Variants in ATP7B observed in about 807,000 individuals in gnomAD.
ATP7B encodes ATPase copper transporting beta.
Under a neutral mutation model 118.9 loss-of-function variants are expected in ATP7B, and 113 were observed. That is an observed-to-expected ratio of 0.95 (90% CI 0.82 to 1.11). The LOEUF is 1.11. Ranked by LOEUF, ATP7B falls within the 50% of genes most tolerant of loss-of-function variation. ATP7B has a pLI of 0.00. For missense variants in ATP7B, 1,867 were observed against 1,871.4 expected, an observed-to-expected ratio of 1.00 and a Z score of 0.04; for synonymous variants, 777 against 727.4, an observed-to-expected ratio of 1.07 and a Z score of -1.10.
chr13:51,934,836 G>C lies in ATP7B; in HGVS notation c.4318C>G (p.Arg1440Gly). The C allele has an allele frequency of 6.2e-7, 1 of 1,614,206 alleles. No homozygotes were observed. The highest frequency in any genetic ancestry group is 1.1e-5 in the South Asian group (1 of 91,086). ...TCATCGTCTGCTGCAGCGCTGTGCC[G>C]AGATGGCTTGTCGGACGTCAGGGAG... ...LSSLTSDKPS[R>G]HSAAADDDGD... is the part of the protein sequence containing the mutation. Residue 1440 changes from arginine to glycine, a missense_variant, in exon 21 of 21, where the codon CGG becomes GGG. Coordinates refer to ENST00000242839, the MANE Select transcript of ATP7B (RefSeq NM_000053.4).
At chr13:51,996,027 G>A (rs1034433900) in intron 1 of ATP7B, among the ~76,000 whole-genome samples, 2 of 152,238 alleles carry the variant, frequency 1.3e-5, no homozygotes, top group African/African-American at 4.8e-5. Context: ...CAAACTGCTA[G>A]CACTTTCTTG....
At chr13:51,961,988 T>C in intron 5 of ATP7B, 75 bp from the exon 6 acceptor site, 2 of 1,286,314 alleles carry the variant, frequency 1.6e-6, no homozygotes, top group East Asian at 2.3e-5. Flanking sequence ...CAGAAAGCAC[T>C]TTTCAGCTTT....
In ATP7B at chr13:51,941,342, G is replaced by C. The variant is rs551539937; in HGVS notation, c.3413-118C>G. The C allele has an allele frequency of 5.6e-6, 7 of 1,252,468 alleles. No individual in the cohort carries two copies. The East Asian group carries it at 7.1e-5, about 13-fold the overall frequency. 77.6% of individuals were successfully genotyped at this position (1,252,468 alleles called of 1,614,324 possible). On this transcript the variant is annotated intron_variant, in intron 15 of 20. Transcript: ENST00000242839. Reference sequence around the variant, plus strand: ...AACCATTCTGAAAAACTGTAACCTTGTAAGCACCTCTTGTGACAGCATCCT... The same window carrying C: ...AACCATTCTGAAAAACTGTAACCTTCTAAGCACCTCTTGTGACAGCATCCT...
intron 1 of ATP7B, among the ~76,000 whole-genome samples, chr13:51,990,524 T>C (rs916892997): frequency 1.3e-5 from 2 of 152,244 alleles, no homozygotes; most frequent in African/African-American, 4.8e-5. Flanking sequence ...CAGTCCTCTT[T>C]ATCTAAGAGA....
chr13:51,965,367 G>A (rs1029500373), intron 4 of ATP7B, among the ~76,000 whole-genome samples: 50 of 152,234 alleles, frequency 3.3e-4, no homozygotes, highest in African/African-American at 1.1e-3. Context: ...TGGCAAAGCC[G>A]GGATACTAAT....
intron 1 of ATP7B, among the ~76,000 whole-genome samples, chr13:51,986,358 A>T (rs1033948433): frequency 5.9e-5 from 9 of 152,214 alleles, no homozygotes; most frequent in Admixed American, 6.5e-5. Context: ...TCCAAAGTCT[A>T]AACTAGGAAG....
intron 1 of ATP7B, among the ~76,000 whole-genome samples, chr13:51,989,501 A>C (rs1952811614): frequency 6.6e-6 from 1 of 152,188 alleles, no homozygotes; most frequent in South Asian, 2.1e-4. Context: ...CCTTACTGAG[A>C]AACAAAATGT....
chr13:51,999,942 C>G (rs1953410253), intron 1 of ATP7B, among the ~76,000 whole-genome samples: 1 of 152,126 alleles, frequency 6.6e-6, no homozygotes. Flanking sequence ...GTGACCAGTC[C>G]TTGTCTCCAA....
intron 15 of ATP7B, among the ~76,000 whole-genome samples, chr13:51,941,978 T>TG (rs1238165092): frequency 1.2e-4 from 19 of 152,242 alleles, no homozygotes; most frequent in African/African-American, 4.3e-4. Flanking sequence ...TGTCCCTTCC[T>TG]GGCTTGGGCA....
At chr13:51,977,943 G>A (rs1952209774) in intron 1 of ATP7B, among the ~76,000 whole-genome samples, 1 of 152,196 alleles carries the variant, frequency 6.6e-6, no homozygotes, top group Non-Finnish European at 1.5e-5. Flanking sequence ...CAAATGACTA[G>A]CCACCTCGGA....
chr13:51,985,777 A>G (rs1952624812), intron 1 of ATP7B, among the ~76,000 whole-genome samples: 1 of 152,180 alleles, frequency 6.6e-6, no homozygotes, highest in African/African-American at 2.4e-5. Flanking sequence ...TCAAAACTGT[A>G]AAACTACATG....
chr13:51,979,208 G>C (rs1469820418), intron 1 of ATP7B, among the ~76,000 whole-genome samples: 1 of 152,184 alleles, frequency 6.6e-6, no homozygotes, highest in East Asian at 1.9e-4. Context: ...AGTCAATATG[G>C]GCAGGAATTA....
intron 6 of ATP7B, among the ~76,000 whole-genome samples, chr13:51,961,483 C>T (rs776658714): frequency 2.0e-5 from 3 of 152,182 alleles, no homozygotes; most frequent in East Asian, 1.9e-4. Flanking sequence ...AATCTACACT[C>T]TCTCCCTCCC....
chr13:51,944,668 C>T (rs1483612408), intron 13 of ATP7B, among the ~76,000 whole-genome samples: 2 of 152,186 alleles, frequency 1.3e-5, no homozygotes, highest in African/African-American at 2.4e-5. Context: ...CACTGCCATC[C>T]GCCGAGCCCA....
Position 51,934,976 on chromosome 13 carries a change from T to C in ATP7B, c.4178A>G (p.Lys1393Arg). Residue 1393 changes from lysine to arginine, a missense_variant, in exon 21 of 21, where the codon AAG becomes AGG. Lys to Arg is a conservative substitution (Grantham distance 26, BLOSUM62 2). Transcript: ENST00000242839. ...ACTGACCTGGGATGCCGTCAGGGGC[T>C]TCATGTGGCCATGCGCCTGTGCCTC... is the stretch of plus-strand genomic sequence containing the variant. The part of the protein sequence containing the change: ...RYEAQAHGHM[K>R]PLTASQVSVH... 6.2e-7 allele frequency: 1 copy of C among 1,614,052 alleles called. No individual in the cohort carries two copies. The highest frequency in any genetic ancestry group is 8.5e-7 in the Non-Finnish European group (1 of 1,180,032).
chr13:51,972,579 T>C (rs1250723273), intron 2 of ATP7B, among the ~76,000 whole-genome samples: 2 of 152,180 alleles, frequency 1.3e-5, no homozygotes, highest in African/African-American at 4.8e-5. Context: ...CCCTCCTGAA[T>C]GTCTTTCAAA....
At chr13:51,948,847 C>T (rs1957819439) in intron 12 of ATP7B, among the ~76,000 whole-genome samples, 1 of 152,084 alleles carries the variant, frequency 6.6e-6, no homozygotes, top group African/African-American at 2.4e-5. Context: ...TATTCCATTG[C>T]CTCACATACA....
At chr13:51,984,024 C>T (rs114252510) in intron 1 of ATP7B, among the ~76,000 whole-genome samples, 2,333 of 152,084 alleles carry the variant, frequency 0.015, 63 homozygotes, top group African/African-American at 0.054. Context: ...GATCACAACT[C>T]CCTCGCCAGC....
upstream of ATP7B, among the ~76,000 whole-genome samples, chr13:52,011,682 CCA>C (rs768247350): frequency 6.6e-6 from 1 of 152,236 alleles, no homozygotes; most frequent in Non-Finnish European, 1.5e-5. Flanking sequence ...CCCGCCGGTG[CCA>C]CAGTGTTCTC....
Sources: gnomAD v4.1 joint callset for allele counts (sites outside exome capture counted in the v4.1 genomes callset) on GRCh38, gnomAD v4.1.1 for gene constraint, MANE v1.5 for transcripts, NCBI Gene and HGNC (gene_info 2026-07-23, HGNC 2026-07-21) for gene names.